Variants in ZBTB7C observed in about 807,000 individuals in gnomAD.
ZBTB7C encodes zinc finger and BTB domain containing 7C.
In ZBTB7C, 8 loss-of-function variants were observed where a neutral mutation model predicts 25.7. The ratio of observed to expected loss-of-function variants is 0.31; its 90% confidence interval spans 0.18 to 0.56. The LOEUF (loss-of-function observed/expected upper bound fraction) is 0.56, where lower values mean the gene tolerates loss of function less well. Among genes scored for constraint, ZBTB7C ranks in the 20% least tolerant of loss-of-function variants. ZBTB7C has a pLI of 0.91. For synonymous variants in ZBTB7C, 394 were observed against 369.0 expected (o/e 1.07, Z -0.78); for missense variants, 824 against 855.2 (o/e 0.96, Z 0.46).
At position 48,097,738 on chromosome 18, in the gene ZBTB7C, T is replaced by C. The variant is rs554740212; in HGVS notation, c.-16-56615A>G. On this transcript the variant is annotated intron_variant, in intron 3 of 4. Coordinates refer to ENST00000590800, the MANE Select transcript of ZBTB7C (RefSeq NM_001318841.2). The stretch of plus-strand genomic sequence containing the variant: ...GAGGACCTAGTTGGTTGCCCATAGC[T>C]TTCCCGGCTCCAGTCTCTCACAAGG... Among the ~76,000 whole-genome samples the C allele has an allele frequency of 7.1e-4, 108 of 152,322 alleles. 2 individuals carry two copies. The highest frequency in any genetic ancestry group is 2.3e-3 in the African/African-American group (96 of 41,568).
intron 1 of ZBTB7C, among the ~76,000 whole-genome samples, chr18:48,394,533 A>G (rs2047975519): frequency 6.6e-6 from 1 of 152,216 alleles, no homozygotes; most frequent in South Asian, 2.1e-4. Context: ...AGACCATAGT[A>G]CATTGCACCA....
chr18:48,296,158 T>G (rs1377297315), intron 2 of ZBTB7C, among the ~76,000 whole-genome samples: 3 of 152,186 alleles, frequency 2.0e-5, no homozygotes, highest in Non-Finnish European at 4.4e-5. Context: ...TCTCAGCACC[T>G]GCCCAACCTC....
intron 2 of ZBTB7C, among the ~76,000 whole-genome samples, chr18:48,242,144 C>A (rs1026552884): frequency 6.6e-6 from 1 of 152,002 alleles, no homozygotes; most frequent in African/African-American, 2.4e-5. Flanking sequence ...CTAAGTTAAA[C>A]CAGCAAGAAA....
At chr18:48,036,503 T>G (rs920960477) in intron 4 of ZBTB7C, among the ~76,000 whole-genome samples, 3 of 152,192 alleles carry the variant, frequency 2.0e-5, no homozygotes, top group Non-Finnish European at 2.9e-5. Context: ...CACAAGACCC[T>G]GAGCTCTTCC....
chr18:48,330,695 G>A (rs1410776248), intron 2 of ZBTB7C, among the ~76,000 whole-genome samples: 1 of 151,886 alleles, frequency 6.6e-6, no homozygotes, highest in Non-Finnish European at 1.5e-5. Context: ...GACTGAGTGA[G>A]TGTGGGCAGG....
At chr18:48,377,264 C>G (rs2047542180) in intron 1 of ZBTB7C, among the ~76,000 whole-genome samples, 1 of 152,208 alleles carries the variant, frequency 6.6e-6, no homozygotes, top group Non-Finnish European at 1.5e-5. Flanking sequence ...TGCTGGAGAT[C>G]TAAAGATGAA....
intron 2 of ZBTB7C, among the ~76,000 whole-genome samples, chr18:48,240,460 C>T (rs2043494069): frequency 6.6e-6 from 1 of 152,036 alleles, no homozygotes; most frequent in Admixed American, 6.6e-5. Context: ...CATCAGGTAA[C>T]CTATAAAAGA....
At chr18:48,094,821 TA>T (rs538454537) in intron 3 of ZBTB7C, among the ~76,000 whole-genome samples, 70 of 152,280 alleles carry the variant, frequency 4.6e-4, no homozygotes, top group African/African-American at 1.6e-3. Flanking sequence ...TCTGTTTCAT[TA>T]AAATGGAACA....
chr18:48,172,807 C>T (rs1030925281), intron 3 of ZBTB7C, among the ~76,000 whole-genome samples: 7 of 152,230 alleles, frequency 4.6e-5, no homozygotes, highest in South Asian at 2.1e-4. Context: ...GTCTGCTTCT[C>T]GCTTTTTCTG....
chr18:48,322,488 AG>A (rs1245067072), intron 2 of ZBTB7C, among the ~76,000 whole-genome samples: 1 of 152,234 alleles, frequency 6.6e-6, no homozygotes, highest in Non-Finnish European at 1.5e-5. Flanking sequence ...AGCACTTCTG[AG>A]AGACAGCTCA....
At chr18:48,393,199 G>C (rs1022633906) in intron 1 of ZBTB7C, among the ~76,000 whole-genome samples, 8 of 152,094 alleles carry the variant, frequency 5.3e-5, no homozygotes, top group Non-Finnish European at 7.4e-5. Flanking sequence ...GGAATCAAGC[G>C]GGGCCCTGCC....
intron 4 of ZBTB7C, among the ~76,000 whole-genome samples, chr18:48,034,542 C>G (rs990899826): frequency 6.6e-6 from 1 of 152,124 alleles, no homozygotes; most frequent in Non-Finnish European, 1.5e-5. Flanking sequence ...AGCACTCCTC[C>G]CTGCACGTGG....
rs79587435 is a variant in ZBTB7C, at chr18:48,215,145, A to C, written c.-78-29150T>G. ...AAGACCAGTTCCAATAATCCTGCTCATGGAATCGTGGTCATCCTCATTATT... is the reference window on the plus strand; with the variant it reads ...AAGACCAGTTCCAATAATCCTGCTCCTGGAATCGTGGTCATCCTCATTATT... On this transcript the variant is annotated intron_variant, in intron 2 of 4. Transcript: ENST00000590800. Among the ~76,000 whole-genome samples the C allele has an allele frequency of 5.3e-3, 810 of 152,338 alleles. 7 individuals are homozygous for C. The highest frequency in any genetic ancestry group is 0.02 in the Middle Eastern group (6 of 294).
intron 2 of ZBTB7C, among the ~76,000 whole-genome samples, chr18:48,251,228 C>G (rs533421138): frequency 6.6e-6 from 1 of 151,830 alleles, no homozygotes; most frequent in African/African-American, 2.4e-5. Context: ...TGTCTCCCCC[C>G]AGAAATAAAG....
At chr18:48,330,665 A>C (rs974887299) in intron 2 of ZBTB7C, among the ~76,000 whole-genome samples, 9 of 151,866 alleles carry the variant, frequency 5.9e-5, no homozygotes, top group Non-Finnish European at 1.2e-4. Flanking sequence ...AAAAAAAAAA[A>C]AACTGAAAAG....
chr18:48,326,533 C>A (rs982198968), intron 2 of ZBTB7C, among the ~76,000 whole-genome samples: 2 of 152,042 alleles, frequency 1.3e-5, no homozygotes, highest in Non-Finnish European at 2.9e-5. Context: ...CCAAGTCGGT[C>A]CCTCCATAGG....
chr18:48,096,785 G>A (rs1225986067), intron 3 of ZBTB7C, among the ~76,000 whole-genome samples: 5 of 152,176 alleles, frequency 3.3e-5, no homozygotes, highest in African/African-American at 1.2e-4. Flanking sequence ...AGTGTGGTGG[G>A]CTGATTTGAC....
At chr18:48,324,722 A>G (rs1281756832) in intron 2 of ZBTB7C, among the ~76,000 whole-genome samples, 1 of 152,186 alleles carries the variant, frequency 6.6e-6, no homozygotes, top group African/African-American at 2.4e-5. Flanking sequence ...AAATAAGAGA[A>G]TGACATGCTC....
At chr18:48,086,377 G>C (rs1413093518) in intron 3 of ZBTB7C, among the ~76,000 whole-genome samples, 1 of 152,192 alleles carries the variant, frequency 6.6e-6, no homozygotes, top group East Asian at 1.9e-4. Context: ...AGATGGTAGA[G>C]TTGAAACTGA....
Sources: gnomAD v4.1 joint callset for allele counts (sites outside exome capture counted in the v4.1 genomes callset) on GRCh38, gnomAD v4.1.1 for gene constraint, MANE v1.5 for transcripts, NCBI Gene and HGNC (gene_info 2026-07-23, HGNC 2026-07-21) for gene names.